Variants in ESR2 observed in about 807,000 individuals in gnomAD.
ESR2 encodes the protein estrogen receptor beta.
In ESR2, 36 loss-of-function variants were observed where a neutral mutation model predicts 49.6. That is an observed-to-expected ratio of 0.73 (90% CI 0.56 to 0.96). The LOEUF (loss-of-function observed/expected upper bound fraction) is 0.96, where lower values mean the gene tolerates loss of function less well. Ranked by LOEUF, ESR2 falls within the 40% of genes least tolerant of loss-of-function variation. The pLI, the probability that ESR2 is intolerant of heterozygous loss-of-function variation, is 0.00. For missense variants in ESR2, 714 were observed against 693.0 expected, an observed-to-expected ratio of 1.03 and a Z score of -0.34; for synonymous variants, 320 against 266.1, an observed-to-expected ratio of 1.20 and a Z score of -1.97.
rs556515773 is a variant in ESR2 at position 64,261,430 on chromosome 14, A to C, written c.653-682T>G. Among the ~76,000 whole-genome samples, 819 of 144,736 alleles carry C rather than the reference A, an allele frequency of 5.7e-3. 10 individuals are homozygous for C. The highest frequency in any genetic ancestry group is 0.021 in the African/African-American group (790 of 37,586). 95.0% of individuals were successfully genotyped at this position (144,736 alleles called of 152,430 possible). ...GTTTTATACACAAAATTATTTATTTATTTTTGAGACGGAGTCTCACTCTGT... is the reference window on the plus strand; with the variant it reads ...GTTTTATACACAAAATTATTTATTTCTTTTTGAGACGGAGTCTCACTCTGT... On this transcript the variant is annotated intron_variant, in intron 4 of 8. Transcript: ENST00000341099.
At chr14:64,308,361 C>G (rs1054653492) in intron 1 of ESR2, among the ~76,000 whole-genome samples, 4 of 152,110 alleles carry the variant, frequency 2.6e-5, no homozygotes, top group Admixed American at 1.3e-4. Context: ...CCCTCTAGCA[C>G]TATTTTATTG....
intron 1 of ESR2, among the ~76,000 whole-genome samples, chr14:64,312,593 C>T (rs1279762798): frequency 6.6e-6 from 1 of 152,200 alleles, no homozygotes; most frequent in Non-Finnish European, 1.5e-5. Flanking sequence ...GGCACATCCT[C>T]TTACAGACTA....
intron 7 of ESR2, among the ~76,000 whole-genome samples, chr14:64,245,795 GTGT>G (rs1286987479): frequency 6.6e-6 from 1 of 152,178 alleles, no homozygotes; most frequent in Non-Finnish European, 1.5e-5. Flanking sequence ...ATACTGTAAA[GTGT>G]TGTAACAACA....
chr14:64,267,913 G>A (rs2076364645), intron 4 of ESR2, among the ~76,000 whole-genome samples: 1 of 151,006 alleles, frequency 6.6e-6, no homozygotes, highest in Non-Finnish European at 1.5e-5. Context: ...AATTGTCAGA[G>A]AGTAAAGTGA....
Position 64,232,637 on chromosome 14 carries a change from G to A in ESR2, c.*500C>T. On this transcript the variant is annotated 3_prime_UTR_variant, in exon 9 of 9. Transcript: ENST00000341099. ...CAGTCCCCACAGGCCTGGGAGGTAAGTACGCAATTGCCACAGGGGTTTTCA... is the reference window on the plus strand; with the variant it reads ...CAGTCCCCACAGGCCTGGGAGGTAAATACGCAATTGCCACAGGGGTTTTCA... 6.4e-6 allele frequency: 1 copy of A among 155,298 alleles called. No homozygotes were observed. Among genetic ancestry groups the A allele is most frequent in the Non-Finnish European group, 1.4e-5 (1 of 69,660 alleles). 9.6% of individuals were successfully genotyped at this position (155,298 alleles called of 1,614,324 possible).
chr14:64,313,708 T>C (rs1303369441), intron 1 of ESR2, among the ~76,000 whole-genome samples: 3 of 151,356 alleles, frequency 2.0e-5, no homozygotes, highest in Non-Finnish European at 4.4e-5. Flanking sequence ...GCACCCCACC[T>C]CTACCAAAAA....
chr14:64,321,485 A>G (rs1424592417), intron 1 of ESR2, among the ~76,000 whole-genome samples: 1 of 152,212 alleles, frequency 6.6e-6, no homozygotes, highest in African/African-American at 2.4e-5. Flanking sequence ...AAACAAAATG[A>G]TAGACATAAA....
intron 2 of ESR2, among the ~76,000 whole-genome samples, chr14:64,281,474 A>T (rs1255784733): frequency 1.3e-5 from 2 of 152,184 alleles, no homozygotes; most frequent in African/African-American, 4.8e-5. Flanking sequence ...CCATTACTTT[A>T]AAAAAGTTAT....
chr14:64,249,817 G>GT (rs1475284327), intron 6 of ESR2, 138 bp from the exon 7 acceptor site: 4 of 825,610 alleles, frequency 4.8e-6, no homozygotes, highest in Non-Finnish European at 7.4e-6. Context: ...ACTACAACAG[G>GT]GTGTTAATGA....
At chr14:64,257,472 T>G in intron 5 of ESR2, 108 bp from the exon 6 acceptor site, 1 of 1,356,872 alleles carries the variant, frequency 7.4e-7, no homozygotes, top group Non-Finnish European at 1.0e-6. Flanking sequence ...CACAAACCAT[T>G]AGGGAGTTGA....
intron 7 of ESR2, among the ~76,000 whole-genome samples, chr14:64,243,155 C>T (rs7151379): frequency 1.3e-5 from 2 of 152,138 alleles, no homozygotes; most frequent in Non-Finnish European, 2.9e-5. Context: ...GGTATTATTC[C>T]TTCCTCAAAT....
chr14:64,270,041 G>A (rs1001689934), intron 3 of ESR2, among the ~76,000 whole-genome samples: 1 of 152,112 alleles, frequency 6.6e-6, no homozygotes. Flanking sequence ...TAATAAAATA[G>A]ATGAGAAGCA....
chr14:64,227,262 T>C (rs369615513), downstream of ESR2: 117 of 474,960 alleles, frequency 2.5e-4, 4 homozygotes, highest in East Asian at 2.0e-3. Flanking sequence ...GCTTTCTACA[T>C]TGGTGCCCCT....
intron 7 of ESR2, among the ~76,000 whole-genome samples, chr14:64,247,611 C>A (rs553420361): frequency 2.6e-4 from 40 of 152,154 alleles, no homozygotes; most frequent in Non-Finnish European, 4.4e-4. Flanking sequence ...TGTAAGTCTT[C>A]AGGTGAACAT....
At chr14:64,264,179 T>C (rs973292782) in intron 4 of ESR2, among the ~76,000 whole-genome samples, 3 of 152,322 alleles carry the variant, frequency 2.0e-5, no homozygotes, top group African/African-American at 7.2e-5. Context: ...ACACCCATCA[T>C]TATGTTTATT....
At chr14:64,251,895 G>C (rs1391655963) in intron 6 of ESR2, among the ~76,000 whole-genome samples, 2 of 152,308 alleles carry the variant, frequency 1.3e-5, no homozygotes, top group East Asian at 1.9e-4. Context: ...AGGTCTTTCA[G>C]ATGAGTTACA....
intron 1 of ESR2, among the ~76,000 whole-genome samples, chr14:64,288,986 C>CAAAAA (rs35178946): frequency 1.8e-5 from 1 of 55,658 alleles, no homozygotes; most frequent in Admixed American, 2.1e-4. Context: ...AACTCTGTCT[C>CAAAAA]AAAAAAAAAA....
At chr14:64,256,229 A>G (rs991731132) in intron 6 of ESR2, among the ~76,000 whole-genome samples, 1 of 152,216 alleles carries the variant, frequency 6.6e-6, no homozygotes, top group African/African-American at 2.4e-5. Context: ...AAGCTTGAGT[A>G]TTTTTATACA....
At chr14:64,332,128 A>G (rs1001114086) in intron 1 of ESR2, 3 of 152,190 alleles carry the variant, frequency 2.0e-5, no homozygotes, top group African/African-American at 7.2e-5. Context: ...ATGGTTGATG[A>G]ATTGCTTTTA....
Sources: allele counts gnomAD v4.1 joint callset (sites outside exome capture counted in the v4.1 genomes callset), GRCh38; gene constraint gnomAD v4.1.1; transcripts MANE v1.5; gene names NCBI Gene and HGNC (gene_info 2026-07-23, HGNC 2026-07-21).